Variants in SPATS2L observed in about 807,000 individuals in gnomAD.
SPATS2L encodes the protein SPATS2-like protein.
SPATS2L carries 30 observed loss-of-function variants against 59.6 expected under a neutral mutation model. The ratio of observed to expected loss-of-function variants is 0.50; its 90% CI spans 0.38 to 0.68. The LOEUF (loss-of-function observed/expected upper bound fraction) is 0.68. Among genes scored for constraint, SPATS2L ranks in the 30% least tolerant of loss-of-function variants. The probability of loss-of-function intolerance (pLI) is 0.00; values close to 1 mark genes in which losing one functional copy is unlikely to be tolerated. For missense variants in SPATS2L, 615 were observed against 700.0 expected, an observed-to-expected ratio of 0.88 and a Z score of 1.37; for synonymous variants, 252 against 263.5, an observed-to-expected ratio of 0.96 and a Z score of 0.42.
intron 11 of SPATS2L, 32 bp from the exon 12 acceptor site, chr2:200,472,800 A>G (rs2087160841): frequency 1.3e-6 from 2 of 1,571,860 alleles, no homozygotes; most frequent in Non-Finnish European, 8.8e-7. Flanking sequence ...TTGGAGGTGC[A>G]GCTCGTAACA....
chr2:200,439,659 A>G (rs2084553125), intron 7 of SPATS2L, among the ~76,000 whole-genome samples: 1 of 152,218 alleles, frequency 6.6e-6, no homozygotes, highest in Non-Finnish European at 1.5e-5. Flanking sequence ...TTAAAAATGT[A>G]ACTGCTAAAA....
At chr2:200,382,514 G>T (rs933016313) in intron 2 of SPATS2L, among the ~76,000 whole-genome samples, 1 of 152,208 alleles carries the variant, frequency 6.6e-6, no homozygotes, top group Non-Finnish European at 1.5e-5. Flanking sequence ...GGCAGGTCCC[G>T]TGGAACGGTT....
intron 10 of SPATS2L, 30 bp downstream of exon 10, chr2:200,467,429 C>G (rs748395189): frequency 6.7e-7 from 1 of 1,501,284 alleles, no homozygotes; most frequent in East Asian, 2.3e-5. Flanking sequence ...AGCCTGAACC[C>G]TGAGCCAGAG....
intron 9 of SPATS2L, among the ~76,000 whole-genome samples, chr2:200,464,484 A>C (rs902102006): frequency 6.6e-6 from 1 of 152,204 alleles, no homozygotes; most frequent in Non-Finnish European, 1.5e-5. Flanking sequence ...TGAATGCCCA[A>C]GTTCTGCTTA....
chr2:200,307,636 C>A (rs2079068988), intron 1 of SPATS2L, among the ~76,000 whole-genome samples: 1 of 152,226 alleles, frequency 6.6e-6, no homozygotes, highest in Non-Finnish European at 1.5e-5. Context: ...TCGTAGGATG[C>A]GCTCGCGCTG....
intron 9 of SPATS2L, among the ~76,000 whole-genome samples, chr2:200,464,440 T>G (rs921013015): frequency 1.3e-5 from 2 of 152,218 alleles, no homozygotes; most frequent in African/African-American, 4.8e-5. Flanking sequence ...TAGGGCCCAT[T>G]TATATCTATT....
chr2:200,442,905 C>T (rs971886433), intron 8 of SPATS2L, among the ~76,000 whole-genome samples: 8 of 152,092 alleles, frequency 5.3e-5, no homozygotes, highest in Admixed American at 3.3e-4. Context: ...TCTGAATGAG[C>T]GCTGCCAAGT....
chr2:200,325,245 T>G (rs1247429920), intron 1 of SPATS2L, among the ~76,000 whole-genome samples: 1 of 152,232 alleles, frequency 6.6e-6, no homozygotes, highest in East Asian at 1.9e-4. Context: ...CTGTGGTTTC[T>G]TTCTCTATCC....
chr2:200,413,829 A>G (rs1379889176), intron 4 of SPATS2L, among the ~76,000 whole-genome samples: 2 of 152,234 alleles, frequency 1.3e-5, no homozygotes, highest in Non-Finnish European at 2.9e-5. Flanking sequence ...CTATAAGCAA[A>G]TCCATGGTGC....
At chr2:200,401,369 C>T (rs966432891) in intron 3 of SPATS2L, among the ~76,000 whole-genome samples, 2 of 152,182 alleles carry the variant, frequency 1.3e-5, no homozygotes, top group African/African-American at 4.8e-5. Context: ...ATTTTGGACA[C>T]TTGTTATGCA....
chr2:200,385,589 G>A (rs148707378), intron 2 of SPATS2L, among the ~76,000 whole-genome samples: 1 of 152,252 alleles, frequency 6.6e-6, no homozygotes, highest in East Asian at 1.9e-4. Context: ...GACACTCAAC[G>A]AGGACCTTCA....
intron 1 of SPATS2L, among the ~76,000 whole-genome samples, chr2:200,319,556 C>A (rs1426432538): frequency 1.8e-5 from 2 of 113,172 alleles, no homozygotes; most frequent in African/African-American, 3.5e-5. Flanking sequence ...CAGAGCGAGA[C>A]CCCACCTCAA....
At position 200,481,911 on chromosome 2, in the gene SPATS2L, A is replaced by C. The variant is rs2087787172; in HGVS notation, c.*3880A>C. The C allele has an allele frequency of 6.6e-6, 1 of 152,076 alleles. No individual in the cohort carries two copies. The highest frequency in any genetic ancestry group is 1.5e-5 in the Non-Finnish European group (1 of 68,052). The allele number at this position is 152,076 out of a possible 1,614,324, so 9.4% of individuals were successfully genotyped here. A position where few individuals can be genotyped will look rare whatever the true frequency, so the allele number is the denominator to read the frequency against. On this transcript the variant is annotated 3_prime_UTR_variant, in exon 13 of 13. Transcript: ENST00000409140. The stretch of plus-strand genomic sequence containing the variant: ...TAGCCAGGATGGTTTTGATCTCCTG[A>C]CCTCGTGATCCACCCCCCTCGGCCT...
At chr2:200,408,064 A>G (rs2082749011) in intron 3 of SPATS2L, among the ~76,000 whole-genome samples, 1 of 152,176 alleles carries the variant, frequency 6.6e-6, no homozygotes, top group Non-Finnish European at 1.5e-5. Flanking sequence ...GCTATAAAGG[A>G]AAAGGGGCTA....
chr2:200,306,968 G>A, intron 1 of SPATS2L, 46 bp downstream of exon 1: 1 of 982,960 alleles, frequency 1.0e-6, no homozygotes, highest in Non-Finnish European at 1.2e-6. Flanking sequence ...GGGATGCAGG[G>A]CGCGGGCGGA....
intron 8 of SPATS2L, among the ~76,000 whole-genome samples, chr2:200,452,164 C>G (rs879636141): frequency 1.1e-4 from 16 of 152,152 alleles, no homozygotes; most frequent in Non-Finnish European, 1.6e-4. Flanking sequence ...GAAATACAGT[C>G]AAGTTACTTT....
chr2:200,349,479 T>C (rs1264323678), intron 2 of SPATS2L, among the ~76,000 whole-genome samples: 2 of 152,058 alleles, frequency 1.3e-5, no homozygotes, highest in Admixed American at 6.5e-5. Flanking sequence ...CTACTAAAAG[T>C]ACAAAAAAAT....
At chr2:200,333,188 A>G (rs957531375) in intron 2 of SPATS2L, among the ~76,000 whole-genome samples, 8 of 151,698 alleles carry the variant, frequency 5.3e-5, no homozygotes, top group Non-Finnish European at 1.0e-4. Context: ...TGGGAGGCTG[A>G]GGTGGGAGGA....
intron 4 of SPATS2L, among the ~76,000 whole-genome samples, chr2:200,414,092 T>C (rs902586230): frequency 2.0e-5 from 3 of 152,042 alleles, no homozygotes; most frequent in Non-Finnish European, 4.4e-5. Context: ...CATTCCTCCC[T>C]ACCCCCACTT....
Sources: allele counts gnomAD v4.1 joint callset (sites outside exome capture counted in the v4.1 genomes callset), GRCh38; gene constraint gnomAD v4.1.1; transcripts MANE v1.5; gene names NCBI Gene and HGNC (gene_info 2026-07-23, HGNC 2026-07-21).